The following NXPE2 variants were observed in gnomAD, a reference collection of about 807,000 sequenced individuals.
The protein encoded by NXPE2 is NXPE family member 2.
In NXPE2, 34 loss-of-function variants were observed where a neutral mutation model predicts 34.4. The ratio of observed to expected loss-of-function variants is 0.99; its 90% confidence interval spans 0.75 to 1.31. NXPE2 has a LOEUF of 1.31. Ranked by LOEUF, NXPE2 falls within the 40% of genes most tolerant of loss-of-function variation. The pLI is 0.00. For missense variants in NXPE2, 649 were observed against 672.5 expected, an observed-to-expected ratio of 0.97 and a Z score of 0.39; for synonymous variants, 235 against 231.3, an observed-to-expected ratio of 1.02 and a Z score of -0.15.
chr11:114,745,483 C>A, the NXPE2 span, among the ~76,000 whole-genome samples: 1 of 152,174 alleles, frequency 6.6e-6, no homozygotes, highest in Non-Finnish European at 1.5e-5. Flanking sequence ...CCTCATGATC[C>A]AAACACCTCC....
At chr11:114,471,766 G>A in the NXPE2 span, among the ~76,000 whole-genome samples, 1 of 152,122 alleles carries the variant, frequency 6.6e-6, no homozygotes, top group East Asian at 1.9e-4. Flanking sequence ...CTTGGTAAAT[G>A]ACATATATGG....
the NXPE2 span, among the ~76,000 whole-genome samples, chr11:114,623,394 G>A: frequency 6.6e-5 from 10 of 151,932 alleles, no homozygotes; most frequent in Admixed American, 4.6e-4. Flanking sequence ...TAAGTATTGC[G>A]CAGTGGGTAC....
chr11:114,509,568 A>G, the NXPE2 span, among the ~76,000 whole-genome samples: 4 of 152,250 alleles, frequency 2.6e-5, no homozygotes. Context: ...TGGTACATAT[A>G]CACCAGGGAA....
chr11:114,731,599 T>C, the NXPE2 span, among the ~76,000 whole-genome samples: 3 of 152,170 alleles, frequency 2.0e-5, no homozygotes, highest in Non-Finnish European at 2.9e-5. Context: ...GAGGATGATG[T>C]TGATTTTTAA....
At chr11:114,622,954 CA>C in the NXPE2 span, among the ~76,000 whole-genome samples, 2 of 152,070 alleles carry the variant, frequency 1.3e-5, no homozygotes, top group Admixed American at 1.3e-4. Context: ...CACTGTTACC[CA>C]TTGGGTAATA....
the NXPE2 span, among the ~76,000 whole-genome samples, chr11:114,779,193 C>T: frequency 1.2e-4 from 19 of 152,224 alleles, no homozygotes; most frequent in Non-Finnish European, 1.8e-4. Context: ...TTTCTTCCTT[C>T]GCCAGAGCTC....
rs141238187 is a variant in NXPE2 at position 114,682,429 on chromosome 11, G to T, written c.132+2667G>T. Among the ~76,000 whole-genome samples, 1,191 of 152,098 alleles carry T rather than the reference G, an allele frequency of 7.8e-3. 14 individuals carry two copies. Among genetic ancestry groups the T allele is most frequent in the African/African-American group, 0.027 (1,138 of 41,498 alleles). On this transcript the variant is annotated intron_variant, in intron 2 of 5. Transcript: ENST00000389586. ...AGGAGTTGAATGGCTTTAATTTCTGGCCCTGTGTCTCAGGAATGCAGTTAA... is the reference window on the plus strand; with the variant it reads ...AGGAGTTGAATGGCTTTAATTTCTGTCCCTGTGTCTCAGGAATGCAGTTAA...
the NXPE2 span, among the ~76,000 whole-genome samples, chr11:114,488,176 A>G: frequency 6.6e-6 from 1 of 152,044 alleles, no homozygotes; most frequent in Non-Finnish European, 1.5e-5. Context: ...CTTCAATATT[A>G]TTACTTGTGA....
the NXPE2 span, among the ~76,000 whole-genome samples, chr11:114,663,904 A>G: frequency 6.6e-6 from 1 of 152,176 alleles, no homozygotes; most frequent in Non-Finnish European, 1.5e-5. Flanking sequence ...GTGAGACACT[A>G]CTACACACCT....
chr11:114,770,039 G>A, the NXPE2 span, among the ~76,000 whole-genome samples: 1 of 152,188 alleles, frequency 6.6e-6, no homozygotes, highest in Non-Finnish European at 1.5e-5. Flanking sequence ...CTGTGGAAAG[G>A]TGATCAAGGT....
At chr11:114,566,100 T>A in the NXPE2 span, among the ~76,000 whole-genome samples, 1 of 152,134 alleles carries the variant, frequency 6.6e-6, no homozygotes, top group African/African-American at 2.4e-5. Context: ...TCATACTGAG[T>A]TTGAGATGTC....
the NXPE2 span, among the ~76,000 whole-genome samples, chr11:114,639,609 G>A: frequency 1.3e-5 from 2 of 148,266 alleles, no homozygotes; most frequent in African/African-American, 5.0e-5. Flanking sequence ...CGGCCATCTT[G>A]GCTGCCCCAC....
chr11:114,812,633 C>G, the NXPE2 span, among the ~76,000 whole-genome samples: 12 of 152,266 alleles, frequency 7.9e-5, no homozygotes, highest in Middle Eastern at 6.8e-3. Flanking sequence ...TAAACCTGGT[C>G]TGGTAGGTTT....
the NXPE2 span, among the ~76,000 whole-genome samples, chr11:114,600,033 A>G: frequency 1.3e-5 from 2 of 152,208 alleles, no homozygotes; most frequent in African/African-American, 4.8e-5. Context: ...AAATATGGCA[A>G]AAGTGAAGGA....
intron 2 of NXPE2, among the ~76,000 whole-genome samples, chr11:114,687,785 T>G (rs1175347454): frequency 6.6e-6 from 1 of 152,094 alleles, no homozygotes; most frequent in African/African-American, 2.4e-5. Flanking sequence ...CCTCAACGTT[T>G]TGTAGTTCCC....
the NXPE2 span, among the ~76,000 whole-genome samples, chr11:114,791,591 C>T: frequency 6.6e-5 from 10 of 152,260 alleles, no homozygotes; most frequent in African/African-American, 9.6e-5. Context: ...AGATCAGACC[C>T]TGGGGAGAGG....
the NXPE2 span, among the ~76,000 whole-genome samples, chr11:114,783,245 A>G: frequency 1.3e-5 from 2 of 152,222 alleles, no homozygotes; most frequent in Admixed American, 1.3e-4. Context: ...AGTAACCATA[A>G]AAACCTAAAG....
At chr11:114,729,735 G>A in the NXPE2 span, among the ~76,000 whole-genome samples, 1,815 of 151,900 alleles carry the variant, frequency 0.012, 31 homozygotes, top group African/African-American at 0.04. Context: ...GTTTTTTGCC[G>A]ACTTTTAATG....
chr11:114,530,349 C>A, the NXPE2 span: 16 of 1,614,092 alleles, frequency 9.9e-6, no homozygotes, highest in East Asian at 3.6e-4. Context: ...GGTCAGGCCA[C>A]ATTCAGTGAA....
Sources: allele counts gnomAD v4.1 joint callset (sites outside exome capture counted in the v4.1 genomes callset), GRCh38; gene constraint gnomAD v4.1.1; transcripts MANE v1.5; gene names NCBI Gene and HGNC (gene_info 2026-07-23, HGNC 2026-07-21).